The following PLD5 variants were observed in gnomAD, a reference collection of about 807,000 sequenced individuals.
PLD5 encodes the protein phospholipase D family member 5.
A neutral mutation model predicts 61.1 loss-of-function variants in PLD5; 36 were observed. That is an observed-to-expected ratio of 0.59 (90% confidence interval 0.45 to 0.78). PLD5 has a LOEUF of 0.78. Ranked by LOEUF, PLD5 falls within the 30% of genes least tolerant of loss-of-function variation. The pLI is 0.00. For missense variants in PLD5, 515 were observed against 644.4 expected (o/e 0.80, Z 2.17); for synonymous variants, 243 against 242.8 (o/e 1.00, Z -0.01).
chr1:242,365,678 T>G (rs1438599429), intron 1 of PLD5: 1 of 179,670 alleles, frequency 5.6e-6, no homozygotes, highest in Non-Finnish European at 1.2e-5. Context: ...GCTGTGACTG[T>G]TGGCCATGTA....
At chr1:242,495,445 C>A (rs1875757) in intron 1 of PLD5, among the ~76,000 whole-genome samples, 1 of 151,628 alleles carries the variant, frequency 6.6e-6, no homozygotes, top group Non-Finnish European at 1.5e-5. Context: ...GCAGTGAAGA[C>A]ACGAGCTGTA....
intron 1 of PLD5, among the ~76,000 whole-genome samples, chr1:242,480,051 GA>G (rs199551635): frequency 0.048 from 6,409 of 132,312 alleles, 210 homozygotes; most frequent in Middle Eastern, 0.074. Flanking sequence ...CTCTGTCTCA[GA>G]AAAAAAAAAA....
At chr1:242,382,128 C>CAAAAAAAAAAAAAAAAAAAAAAAAAA (rs34582650) in intron 1 of PLD5, among the ~76,000 whole-genome samples, 4 of 125,592 alleles carry the variant, frequency 3.2e-5, no homozygotes, top group Admixed American at 8.5e-5. Flanking sequence ...ACTTTGACAG[C>CAAAAAAAAAAAAAAAAAAAAAAAAAA]AAAAAAAAAA....
intron 1 of PLD5, among the ~76,000 whole-genome samples, chr1:242,363,904 TA>T (rs1661203424): frequency 6.6e-6 from 1 of 151,610 alleles, no homozygotes; most frequent in Non-Finnish European, 1.5e-5. Context: ...AAAAGACAAA[TA>T]AAAAACAGTA....
At chr1:242,285,168 T>C (rs1038909401) in intron 3 of PLD5, among the ~76,000 whole-genome samples, 36 of 152,224 alleles carry the variant, frequency 2.4e-4, no homozygotes, top group African/African-American at 8.4e-4. Context: ...GAGAGTGACT[T>C]GAACTAAGCT....
intron 4 of PLD5, among the ~76,000 whole-genome samples, chr1:242,244,663 C>T (rs948115046): frequency 5.3e-5 from 8 of 152,190 alleles, no homozygotes; most frequent in East Asian, 1.9e-4. Context: ...TGCTTCCTTA[C>T]GGAGAATGCA....
At chr1:242,409,237 C>T (rs1056187446) in intron 1 of PLD5, among the ~76,000 whole-genome samples, 3 of 152,196 alleles carry the variant, frequency 2.0e-5, no homozygotes, top group Admixed American at 6.5e-5. Flanking sequence ...TAAAATTTAT[C>T]TTAGCAGTTC....
chr1:242,310,082 C>T (rs1341231879), intron 2 of PLD5, among the ~76,000 whole-genome samples: 2 of 151,972 alleles, frequency 1.3e-5, no homozygotes, highest in Non-Finnish European at 2.9e-5. Context: ...AAAAGTCATC[C>T]TCACCAGGGG....
At chr1:242,090,983 G>T (rs1659778365) in intron 9 of PLD5, among the ~76,000 whole-genome samples, 1 of 151,838 alleles carries the variant, frequency 6.6e-6, no homozygotes, top group Admixed American at 6.6e-5. Flanking sequence ...GAACTCCTGG[G>T]TTCAAGCGAT....
At chr1:242,173,883 T>A (rs1164181116) in intron 5 of PLD5, among the ~76,000 whole-genome samples, 9 of 151,826 alleles carry the variant, frequency 5.9e-5, no homozygotes, top group South Asian at 2.1e-4. Context: ...CTTACACCTT[T>A]TACAAAAGTT....
chr1:242,304,965 G>A lies in PLD5; in HGVS notation c.327-16435C>T, dbSNP rs1040091434. On this transcript the variant is annotated intron_variant, in intron 2 of 9. Transcript: ENST00000536534. ...CAAAAAATACAAAAACATTAGCTGG[G>A]CATGGTGGAGCATACCTGTAGTCCC... Among the ~76,000 whole-genome samples the A allele has an allele frequency of 4.9e-4, 75 of 152,112 alleles. 1 individual carries two copies. The highest frequency in any genetic ancestry group is 1.7e-3 in the African/African-American group (71 of 41,422).
intron 5 of PLD5, among the ~76,000 whole-genome samples, chr1:242,201,703 TAAC>T (rs1668998168): frequency 6.6e-6 from 1 of 152,170 alleles, no homozygotes; most frequent in Admixed American, 6.5e-5. Flanking sequence ...ATAATTTTAA[TAAC>T]AAAATCTGTA....
intron 1 of PLD5, among the ~76,000 whole-genome samples, chr1:242,410,954 A>G (rs1425345644): frequency 7.5e-6 from 1 of 133,210 alleles, no homozygotes; most frequent in Admixed American, 7.7e-5. Context: ...TTTACCAATA[A>G]TCGAAAAAAA....
intron 2 of PLD5, among the ~76,000 whole-genome samples, chr1:242,310,426 C>T (rs1315470925): frequency 6.6e-6 from 1 of 152,122 alleles, no homozygotes; most frequent in African/African-American, 2.4e-5. Context: ...GTAACAGTCC[C>T]TTAAAAAAGT....
At chr1:242,493,529 C>T (rs930024202) in intron 1 of PLD5, among the ~76,000 whole-genome samples, 3 of 152,186 alleles carry the variant, frequency 2.0e-5, no homozygotes, top group African/African-American at 7.2e-5. Context: ...CTGGTAGAAG[C>T]CAGGGACAAG....
At chr1:242,343,308 C>T (rs1659946596) in intron 2 of PLD5, among the ~76,000 whole-genome samples, 1 of 151,970 alleles carries the variant, frequency 6.6e-6, no homozygotes, top group Admixed American at 6.6e-5. Context: ...ATGATAGTGA[C>T]AACACACGGA....
Position 242,089,258 on chromosome 1 carries a change from T to G in PLD5, c.*596A>C, listed in dbSNP as rs1016723595. On this transcript the variant is annotated 3_prime_UTR_variant, in exon 10 of 10. Coordinates refer to ENST00000536534, the MANE Select transcript of PLD5 (RefSeq NM_001372062.1). ...AGAAAATGCTATATAATAGGAACAT[T>G]TTGTGAGAAGAGAAAATGATACCAA... The G allele has an allele frequency of 1.3e-5, 5 of 398,674 alleles. No individual in the cohort carries two copies. Among genetic ancestry groups the G allele is most frequent in the Non-Finnish European group, 2.2e-5 (5 of 226,338 alleles). 24.7% of individuals were successfully genotyped at this position (398,674 alleles called of 1,614,324 possible). A position where few individuals can be genotyped will look rare whatever the true frequency, so the allele number is the denominator to read the frequency against.
At chr1:242,095,028 C>T (rs1194234963) in intron 9 of PLD5, among the ~76,000 whole-genome samples, 1 of 151,710 alleles carries the variant, frequency 6.6e-6, no homozygotes, top group East Asian at 1.9e-4. Context: ...CCTCCACCTC[C>T]CAGGTTCAAG....
chr1:242,353,446 T>A (rs1347360360), intron 1 of PLD5, among the ~76,000 whole-genome samples: 1 of 152,206 alleles, frequency 6.6e-6, no homozygotes, highest in African/African-American at 2.4e-5. Context: ...CAGATTGAAA[T>A]CAGGTAGTGT....
Sources: allele counts gnomAD v4.1 joint callset (sites outside exome capture counted in the v4.1 genomes callset), GRCh38; gene constraint gnomAD v4.1.1; transcripts MANE v1.5; gene names NCBI Gene and HGNC (gene_info 2026-07-23, HGNC 2026-07-21).